The following SLC25A26 variants were observed in gnomAD, a reference collection of about 807,000 sequenced individuals.
SLC25A26 encodes solute carrier family 25 member 26, also known as mitochondrial S-adenosylmethionine carrier protein.
Under a neutral mutation model 37.8 loss-of-function variants are expected in SLC25A26, and 36 were observed. That is an observed-to-expected ratio of 0.95 (90% CI 0.73 to 1.26). SLC25A26 has a LOEUF of 1.26. Ranked by LOEUF, SLC25A26 falls within the 50% of genes most tolerant of loss-of-function variation. The pLI, the probability that SLC25A26 is intolerant of heterozygous loss-of-function variation, is 0.00. For synonymous variants in SLC25A26, 129 were observed against 122.5 expected, an observed-to-expected ratio of 1.05 and a Z score of -0.35; for missense variants, 390 against 331.1, an observed-to-expected ratio of 1.18 and a Z score of -1.38.
At chr3:66,276,957 GAAAA>G (rs56071860) in intron 5 of SLC25A26, among the ~76,000 whole-genome samples, 1 of 124,564 alleles carries the variant, frequency 8.0e-6, no homozygotes. Context: ...GGCACTGTTT[GAAAA>G]AAAAAAAAAA....
chr3:66,185,901 C>A (rs1311762639), intron 1 of SLC25A26, among the ~76,000 whole-genome samples: 1 of 152,092 alleles, frequency 6.6e-6, no homozygotes, highest in East Asian at 1.9e-4. Flanking sequence ...ATGAATCAGA[C>A]CTCAACTTAA....
intron 5 of SLC25A26, among the ~76,000 whole-genome samples, chr3:66,328,530 G>C (rs1004080841): frequency 6.6e-6 from 1 of 152,092 alleles, no homozygotes; most frequent in African/African-American, 2.4e-5. Flanking sequence ...ACTCTAAAAG[G>C]TCTGTCAGGT....
chr3:66,247,777 A>AT (rs1489001463), intron 3 of SLC25A26, among the ~76,000 whole-genome samples: 1 of 152,188 alleles, frequency 6.6e-6, no homozygotes, highest in Non-Finnish European at 1.5e-5. Flanking sequence ...GCTTATATAC[A>AT]TATTACGCCT....
At chr3:66,209,681 G>T (rs2071248781) in intron 1 of SLC25A26, among the ~76,000 whole-genome samples, 4 of 130,584 alleles carry the variant, frequency 3.1e-5, no homozygotes, top group South Asian at 2.5e-4. Context: ...TATTTTATAG[G>T]TATATATAGG....
chr3:66,177,955 A>G (rs965466624), intron 1 of SLC25A26, among the ~76,000 whole-genome samples: 5 of 152,162 alleles, frequency 3.3e-5, no homozygotes, highest in Admixed American at 3.3e-4. Context: ...CGTAAATAGC[A>G]TTGATATTGT....
At chr3:66,215,552 T>A (rs2071348365) in intron 1 of SLC25A26, among the ~76,000 whole-genome samples, 1 of 152,156 alleles carries the variant, frequency 6.6e-6, no homozygotes, top group African/African-American at 2.4e-5. Flanking sequence ...AAGATGGAGA[T>A]CAAACATTAT....
At chr3:66,197,919 A>G (rs2106806942) in intron 1 of SLC25A26, among the ~76,000 whole-genome samples, 1 of 152,208 alleles carries the variant, frequency 6.6e-6, no homozygotes, top group South Asian at 2.1e-4. Flanking sequence ...GGATCAGAGG[A>G]AGGGCCAAGG....
intron 1 of SLC25A26, among the ~76,000 whole-genome samples, chr3:66,134,831 T>A (rs942559191): frequency 1.4e-5 from 2 of 145,990 alleles, no homozygotes; most frequent in South Asian, 2.1e-4. Flanking sequence ...TTTCCTTTAT[T>A]TTTTTTTTTA....
chr3:66,308,442 T>C (rs1040702656), intron 5 of SLC25A26, among the ~76,000 whole-genome samples: 11 of 152,234 alleles, frequency 7.2e-5, no homozygotes, highest in Non-Finnish European at 1.6e-4. Context: ...TCTTGTTAAC[T>C]GCAAACGGAG....
intron 1 of SLC25A26, among the ~76,000 whole-genome samples, chr3:66,228,331 T>A (rs2071855229): frequency 6.6e-6 from 1 of 152,254 alleles, no homozygotes; most frequent in African/African-American, 2.4e-5. Context: ...TGGAAAGTTT[T>A]AGTATTTGAT....
intron 1 of SLC25A26, among the ~76,000 whole-genome samples, chr3:66,230,663 G>C (rs1245275687): frequency 6.6e-6 from 1 of 151,802 alleles, no homozygotes; most frequent in Non-Finnish European, 1.5e-5. Context: ...AAATTAGCCG[G>C]GCATGGTGGC....
intron 9 of SLC25A26, among the ~76,000 whole-genome samples, 192 bp downstream of exon 9, chr3:66,370,794 G>T (rs1468234436): frequency 1.3e-5 from 2 of 152,198 alleles, no homozygotes; most frequent in African/African-American, 2.4e-5. Context: ...GATTATTCCA[G>T]CCAGGCAGTT....
intron 1 of SLC25A26, among the ~76,000 whole-genome samples, chr3:66,199,563 C>G (rs1221003524): frequency 3.3e-5 from 5 of 152,062 alleles, no homozygotes; most frequent in African/African-American, 1.2e-4. Context: ...TAAAACTGAC[C>G]CTGAAATGTA....
At chr3:66,307,616 C>T (rs910637445) in intron 5 of SLC25A26, among the ~76,000 whole-genome samples, 6 of 152,256 alleles carry the variant, frequency 3.9e-5, no homozygotes, top group Admixed American at 3.3e-4. Flanking sequence ...AGGTTTTCTT[C>T]TATGGTTTTT....
intron 1 of SLC25A26, among the ~76,000 whole-genome samples, chr3:66,172,645 T>G (rs1173690372): frequency 6.6e-6 from 1 of 152,100 alleles, no homozygotes; most frequent in Non-Finnish European, 1.5e-5. Context: ...AGAGATCAAG[T>G]GTCACCAGGG....
chr3:66,338,381 A>T (rs2076136411), intron 5 of SLC25A26, among the ~76,000 whole-genome samples: 1 of 151,962 alleles, frequency 6.6e-6, no homozygotes, highest in African/African-American at 2.4e-5. Context: ...CACCTTTCAA[A>T]GTTGTACGTT....
intron 1 of SLC25A26, among the ~76,000 whole-genome samples, chr3:66,204,433 AAAAAAAGAAAAAAAGAAAAAAGAAAG>A (rs2071149504): frequency 4.3e-5 from 4 of 92,560 alleles, no homozygotes; most frequent in African/African-American, 2.5e-4. Context: ...CTCAAAAAAA[AAAAAAAGAAAAAAAGAAAAAAGAAAG>A]AAAAAGAAAA....
chr3:66,315,573 C>T (rs766295182), intron 5 of SLC25A26, among the ~76,000 whole-genome samples: 8 of 152,126 alleles, frequency 5.3e-5, no homozygotes, highest in Middle Eastern at 3.4e-3. Flanking sequence ...CATGTGGCAC[C>T]GAGAAGAATG....
intron 1 of SLC25A26, among the ~76,000 whole-genome samples, chr3:66,176,983 G>T (rs779658124): frequency 1.3e-5 from 2 of 152,082 alleles, no homozygotes; most frequent in Admixed American, 1.3e-4. Context: ...TCTTTTTCTG[G>T]CCCTATAGAG....
Sources: gnomAD v4.1 joint callset for allele counts (sites outside exome capture counted in the v4.1 genomes callset) on GRCh38, gnomAD v4.1.1 for gene constraint, MANE v1.5 for transcripts, NCBI Gene and HGNC (gene_info 2026-07-23, HGNC 2026-07-21) for gene names.